Variants in RPS6KA2 observed in about 807,000 individuals in gnomAD.
The protein encoded by RPS6KA2 is ribosomal protein S6 kinase alpha-2.
RPS6KA2 carries 42 observed loss-of-function variants against 91.8 expected under a neutral mutation model. That is an observed-to-expected ratio of 0.46 (90% CI 0.36 to 0.59). The LOEUF (loss-of-function observed/expected upper bound fraction) is 0.59, where lower values mean the gene tolerates loss of function less well. Among genes scored for constraint, RPS6KA2 ranks in the 20% least tolerant of loss-of-function variants. The pLI, the probability that RPS6KA2 is intolerant of heterozygous loss-of-function variation, is 0.00. For missense variants in RPS6KA2, 798 were observed against 978.5 expected, an observed-to-expected ratio of 0.82 and a Z score of 2.46; for synonymous variants, 414 against 393.6, an observed-to-expected ratio of 1.05 and a Z score of -0.61.
intron 11 of RPS6KA2, among the ~76,000 whole-genome samples, chr6:166,469,390 T>A (rs1274121747): frequency 6.8e-6 from 1 of 147,086 alleles, no homozygotes; most frequent in African/African-American, 2.5e-5. Context: ...CGATGGAAAA[T>A]GCAGTATCGA....
rs1260043672 is a variant in RPS6KA2, at chr6:166,651,298, A to T, written c.124-112514T>A. 2.0e-5 allele frequency among the ~76,000 whole-genome samples: 3 copies of T among 152,258 alleles called. No individual in the cohort carries two copies. In the East Asian group the frequency reaches 5.8e-4, roughly 29 times the overall value. ...TTCAGCAAGTACAGAAAAGTGTTGG[A>T]TCATGTGGGCAGCAATTCAAAGATT... On this transcript the variant is annotated intron_variant, in intron 2 of 21. Coordinates refer to the RPS6KA2 transcript ENST00000503859.
At position 166,504,920 on chromosome 6, in the gene RPS6KA2, T is replaced by C. The variant is rs1782144006; in HGVS notation, c.460-308A>G. On this transcript the variant is annotated intron_variant, in intron 5 of 20. Coordinates refer to ENST00000265678, the MANE Select transcript of RPS6KA2 (RefSeq NM_021135.6). ...TTCTCACCCCTGCAAATCATTTGGC[T>C]CTGGAGTAGGTTTCTGGGTTTACAT... is the stretch of plus-strand genomic sequence containing the variant. 2.0e-5 allele frequency among the ~76,000 whole-genome samples: 3 copies of C among 152,176 alleles called. No homozygotes were observed. The South Asian group carries it at 6.2e-4, about 31-fold the overall frequency.
chr6:166,412,738 A>T lies in RPS6KA2; in HGVS notation c.*24T>A, dbSNP rs1183144545. ...GAGCCCACGAGGATGCTGGCAGGGG[A>T]CGCTGGGGCCAGGGTCCCACCCGCT... On this transcript the variant is annotated 3_prime_UTR_variant, in exon 21 of 21. Coordinates refer to ENST00000265678, the MANE Select transcript of RPS6KA2 (RefSeq NM_021135.6). The surrounding 1 kb of genome is among the most constrained non-coding windows in gnomAD (Gnocchi z 4.3). 1.9e-6 allele frequency: 3 copies of T among 1,568,710 alleles called. No homozygotes were observed. The highest frequency in any genetic ancestry group is 2.6e-6 in the Non-Finnish European group (3 of 1,157,528).
In RPS6KA2 at chr6:166,531,305, C is replaced by T; in HGVS notation, c.225G>A (p.Leu75=). 1 of 1,613,792 alleles carries T rather than the reference C, an allele frequency of 6.2e-7. No individual in the cohort carries two copies. The highest frequency in any genetic ancestry group is 8.5e-7 in the Non-Finnish European group (1 of 1,179,684). ...LGQGSYGKVF[L]VRKVKGSDAG... Reference sequence around the variant, plus strand: ...CGTCGGACCCCTTCACCTTCCTCACCAGGAACACCTTAGCAAGAGAAAACG... The same window carrying T: ...CGTCGGACCCCTTCACCTTCCTCACTAGGAACACCTTAGCAAGAGAAAACG... Residue 75 remains leucine, a synonymous_variant, in exon 3 of 21, where the codon CTG becomes CTA. Coordinates refer to ENST00000265678, the MANE Select transcript of RPS6KA2 (RefSeq NM_021135.6).
chr6:166,608,344 G>T (rs897959637), intron 1 of RPS6KA2, among the ~76,000 whole-genome samples: 5 of 152,136 alleles, frequency 3.3e-5, no homozygotes, highest in Non-Finnish European at 7.3e-5. Context: ...AACCTTATTT[G>T]TATGGTAGTA....
At chr6:166,462,499 G>A in intron 11 of RPS6KA2, among the ~76,000 whole-genome samples, 1 of 152,170 alleles carries the variant, frequency 6.6e-6, no homozygotes, top group Admixed American at 6.5e-5. Context: ...TCTGGGCTGA[G>A]GCCATCCCAC....
intron 2 of RPS6KA2, among the ~76,000 whole-genome samples, chr6:166,532,080 G>C (rs1308122895): frequency 5.3e-5 from 8 of 152,234 alleles, no homozygotes; most frequent in African/African-American, 1.9e-4. Context: ...AGATGACACA[G>C]GCACACGGTG....
intron 8 of RPS6KA2, among the ~76,000 whole-genome samples, chr6:166,497,883 T>C (rs955589302): frequency 3.3e-5 from 5 of 152,164 alleles, no homozygotes; most frequent in South Asian, 2.1e-4. Flanking sequence ...CACGACCCGA[T>C]TGTCATCCAG....
chr6:166,438,457 A>G (rs1005043933), intron 14 of RPS6KA2, among the ~76,000 whole-genome samples: 3 of 152,246 alleles, frequency 2.0e-5, no homozygotes, highest in African/African-American at 4.8e-5. Context: ...ATTCTTGCAC[A>G]GTTCTAAGGA....
intron 2 of RPS6KA2, among the ~76,000 whole-genome samples, chr6:166,837,959 C>G (rs1335818618): frequency 1.3e-5 from 2 of 152,246 alleles, no homozygotes; most frequent in Non-Finnish European, 2.9e-5. Context: ...AGAAGTTTTT[C>G]TGGTTCAAAA....
Position 166,419,778 on chromosome 6 carries a change from C to CT in RPS6KA2, c.1820+103_1820+104insA. On this transcript the variant is annotated intron_variant, in intron 18 of 20. Transcript: ENST00000265678. This position sits in a 1 kb window ranked among gnomAD's most constrained non-coding sequence, Gnocchi z 5.6. Reference sequence around the variant, plus strand: ...TTTGCATACACGTTGGGTTTGCCCACATGCGCACACTAGGACAGGGCTGGC... The same window carrying CT: ...TTTGCATACACGTTGGGTTTGCCCACTATGCGCACACTAGGACAGGGCTGGC... The CT allele has an allele frequency of 2.0e-6, 2 of 1,018,550 alleles. No homozygotes were observed. Among genetic ancestry groups the CT allele is most frequent in the Non-Finnish European group, 3.1e-6 (2 of 654,116 alleles). 63.1% of individuals were successfully genotyped at this position (1,018,550 alleles called of 1,614,324 possible).
intron 19 of RPS6KA2, among the ~76,000 whole-genome samples, chr6:166,414,597 T>C (rs986332826): frequency 1.3e-5 from 2 of 152,242 alleles, no homozygotes; most frequent in Admixed American, 1.3e-4. Flanking sequence ...ACCTGATGCT[T>C]CTGCTCTAAT....
chr6:166,775,822 G>T (rs1290971981), intron 2 of RPS6KA2, among the ~76,000 whole-genome samples: 1 of 152,262 alleles, frequency 6.6e-6, no homozygotes, highest in Non-Finnish European at 1.5e-5. Flanking sequence ...CACGGCTGGA[G>T]CTCGGAACTG....
At chr6:166,591,499 T>C (rs6906151) in intron 1 of RPS6KA2, among the ~76,000 whole-genome samples, 8,153 of 152,142 alleles carry the variant, frequency 0.054, 736 homozygotes, top group African/African-American at 0.19. Flanking sequence ...CGAGTGGCCC[T>C]AATCCAAGAT....
intron 1 of RPS6KA2, among the ~76,000 whole-genome samples, chr6:166,589,738 G>C (rs1785297146): frequency 6.6e-6 from 1 of 152,190 alleles, no homozygotes; most frequent in African/African-American, 2.4e-5. Flanking sequence ...ACAGAGCGTG[G>C]TCTATCAGTC....
intron 2 of RPS6KA2, among the ~76,000 whole-genome samples, chr6:166,720,087 C>T (rs1458457451): frequency 6.6e-6 from 1 of 152,198 alleles, no homozygotes; most frequent in Admixed American, 6.5e-5. Flanking sequence ...AAGACTTTCA[C>T]TTATGTAAGG....
At chr6:166,634,751 G>A (rs929139125) in intron 2 of RPS6KA2, among the ~76,000 whole-genome samples, 11 of 152,120 alleles carry the variant, frequency 7.2e-5, no homozygotes, top group African/African-American at 1.4e-4. Flanking sequence ...ACAGGTGTGC[G>A]CCACCTTGCC....
chr6:166,662,919 T>C lies in RPS6KA2; in HGVS notation c.124-124135A>G, dbSNP rs1233632537. On this transcript the variant is annotated intron_variant, in intron 2 of 21. Transcript: ENST00000503859. This position sits in a 1 kb window ranked among gnomAD's most constrained non-coding sequence, Gnocchi z 4.3. Reference sequence around the variant, plus strand: ...AATACGCAGAGACACCGGGGCCGCCTCTGTGTATGGAGGAACGGCCACGCG... The same window carrying C: ...AATACGCAGAGACACCGGGGCCGCCCCTGTGTATGGAGGAACGGCCACGCG... Among the ~76,000 whole-genome samples, 1 of 151,896 alleles carries C rather than the reference T, an allele frequency of 6.6e-6. No homozygotes were observed. The highest frequency in any genetic ancestry group is 1.5e-5 in the Non-Finnish European group (1 of 67,976).
At chr6:166,813,467 G>A (rs775476878) in intron 2 of RPS6KA2, among the ~76,000 whole-genome samples, 8 of 152,188 alleles carry the variant, frequency 5.3e-5, no homozygotes, top group Non-Finnish European at 1.0e-4. Context: ...CATTGCATTA[G>A]TTTCCAAGGG....
Sources: gnomAD v4.1 joint callset for allele counts (sites outside exome capture counted in the v4.1 genomes callset) on GRCh38, gnomAD v4.1.1 for gene constraint, Gnocchi (gnomAD v3.1) non-coding constraint, MANE v1.5 for transcripts, NCBI Gene and HGNC (gene_info 2026-07-23, HGNC 2026-07-21) for gene names.